PCDHGA5: variants seen among roughly 807,000 people sequenced by gnomAD.
The protein encoded by PCDHGA5 is protocadherin gamma subfamily A, 5.
Under a neutral mutation model 56.7 loss-of-function variants are expected in PCDHGA5, and 36 were observed. The observed-to-expected ratio is 0.64, with a 90% CI of 0.49 to 0.84. The LOEUF (loss-of-function observed/expected upper bound fraction) is 0.84. Among genes scored for constraint, PCDHGA5 ranks in the 40% least tolerant of loss-of-function variants. The pLI, the probability that PCDHGA5 is intolerant of heterozygous loss-of-function variation, is 0.00. For missense variants in PCDHGA5, 1,305 were observed against 1,201.5 expected, an observed-to-expected ratio of 1.09 and a Z score of -1.27; for synonymous variants, 563 against 520.2, an observed-to-expected ratio of 1.08 and a Z score of -1.12.
At position 141,512,430 on chromosome 5, in the gene PCDHGA5, CT is replaced by C. The variant is rs1357890225; in HGVS notation, c.*1258del. The C allele has an allele frequency of 1.3e-5, 2 of 152,824 alleles. No homozygotes were observed. Among genetic ancestry groups the C allele is most frequent in the Non-Finnish European group, 2.9e-5 (2 of 68,158 alleles). 9.5% of individuals were successfully genotyped at this position (152,824 alleles called of 1,614,324 possible). On this transcript the variant is annotated 3_prime_UTR_variant, in exon 4 of 4. Coordinates refer to ENST00000518069, the MANE Select transcript of PCDHGA5 (RefSeq NM_018918.3). ...CTTCTTCAACAGGGCCCCTGCCCTCCTGAAGCCTCAGTCCTTCACCTTGCCA... is the reference window on the plus strand; with the variant it reads ...CTTCTTCAACAGGGCCCCTGCCCTCCGAAGCCTCAGTCCTTCACCTTGCCA...
Position 141,364,645 on chromosome 5 carries a change from C to T in PCDHGA5, c.315C>T (p.Asn105=), listed in dbSNP as rs1036042236. ...CTCAGAGCCCACTGTGTGTGGTGAA[C>T]TTTAACATCTTGGTTGAGAACAAAA... is the stretch of plus-strand genomic sequence containing the variant. ...LCAQSPLCVV[N]FNILVENKMK... The change falls in exon 1 of 4, where the codon AAC becomes AAT. Residue 105 remains asparagine, a synonymous_variant. Transcript: ENST00000518069. The T allele has an allele frequency of 1.2e-6, 2 of 1,613,960 alleles. No homozygotes were observed. Among genetic ancestry groups the T allele is most frequent in the African/African-American group, 2.7e-5 (2 of 74,950 alleles).
At chr5:141,371,714 G>A (rs1286462285) in intron 1 of PCDHGA5, 1 of 1,613,920 alleles carries the variant, frequency 6.2e-7, no homozygotes, top group Non-Finnish European at 8.5e-7. Context: ...CCATCACTCT[G>A]CACATCCTTG....
intron 1 of PCDHGA5, chr5:141,372,020 C>T (rs534964155): frequency 1.2e-6 from 2 of 1,613,370 alleles, no homozygotes; most frequent in Admixed American, 1.7e-5. Context: ...CGCCTACGCT[C>T]AGCGCCAACG....
At chr5:141,410,319 C>A in intron 1 of PCDHGA5, 2 of 1,614,018 alleles carry the variant, frequency 1.2e-6, no homozygotes, top group Admixed American at 1.7e-5. Flanking sequence ...TTCCTCCTCG[C>A]CGTGATTCTG....
chr5:141,377,940 A>G (rs112263014), intron 1 of PCDHGA5: 1 of 152,188 alleles, frequency 6.6e-6, no homozygotes, highest in Non-Finnish European at 1.5e-5. Context: ...TGCTGCTTAT[A>G]GAGTGTGTAT....
At chr5:141,370,286 A>G in intron 1 of PCDHGA5, 1 of 968,422 alleles carries the variant, frequency 1.0e-6, no homozygotes, top group Admixed American at 2.9e-5. Context: ...CCATTAGAGA[A>G]CCCAAGCACA....
chr5:141,487,455 A>G lies in PCDHGA5; in HGVS notation c.2422-7352A>G, dbSNP rs751456631. 6.2e-7 allele frequency: 1 copy of G among 1,614,122 alleles called. No individual in the cohort carries two copies. The highest frequency in any genetic ancestry group is 8.5e-7 in the Non-Finnish European group (1 of 1,180,032). On this transcript the variant is annotated intron_variant, in intron 1 of 3. Coordinates refer to ENST00000518069, the MANE Select transcript of PCDHGA5 (RefSeq NM_018918.3). The surrounding 1 kb of genome is among the most constrained non-coding windows in gnomAD (Gnocchi z 5.0). ...CAGCTAGGGTCAGATGACCCTATCA[A>G]GTTTGTTGATGTGGGAGGCCACTCT...
At chr5:141,456,968 AAAAC>A (rs202005606) in intron 1 of PCDHGA5, among the ~76,000 whole-genome samples, 2,421 of 152,270 alleles carry the variant, frequency 0.016, 37 homozygotes, top group Non-Finnish European at 0.025. Context: ...ATCTCAAAAC[AAAAC>A]AAACAAACAA....
At chr5:141,458,359 A>C (rs2098943826) in intron 1 of PCDHGA5, among the ~76,000 whole-genome samples, 1 of 152,142 alleles carries the variant, frequency 6.6e-6, no homozygotes, top group Non-Finnish European at 1.5e-5. Context: ...AATAAGCAAG[A>C]AGGAAGGGAG....
At chr5:141,473,801 T>C (rs1593456345) in intron 1 of PCDHGA5, among the ~76,000 whole-genome samples, 1 of 152,226 alleles carries the variant, frequency 6.6e-6, no homozygotes, top group East Asian at 1.9e-4. Flanking sequence ...ATGATGCTAC[T>C]GAGGAGCAGC....
chr5:141,497,954 G>A (rs1203635313), intron 2 of PCDHGA5, among the ~76,000 whole-genome samples: 7 of 152,198 alleles, frequency 4.6e-5, no homozygotes, highest in Non-Finnish European at 1.5e-5. Context: ...CTTTCTGTTG[G>A]CCAGGCAGTG....
intron 1 of PCDHGA5, chr5:141,427,868 C>T (rs1311930991): frequency 4.5e-6 from 7 of 1,559,298 alleles, no homozygotes; most frequent in African/African-American, 2.7e-5. Context: ...CCTTCGAGCT[C>T]ACGATGCAGG....
chr5:141,370,462 C>T lies in PCDHGA5; in HGVS notation c.2421+3711C>T. 1.9e-6 allele frequency: 3 copies of T among 1,612,864 alleles called. No homozygotes were observed. In the South Asian group the frequency reaches 3.3e-5, roughly 18 times the overall value. Reference sequence around the variant, plus strand: ...CGAATGCTATTTCTCTTCCTGCTCTCTTTGTTAGACCAGGCTCTCTCCGAA... The same window carrying T: ...CGAATGCTATTTCTCTTCCTGCTCTTTTTGTTAGACCAGGCTCTCTCCGAA... On this transcript the variant is annotated intron_variant, in intron 1 of 3. Coordinates refer to ENST00000518069, the MANE Select transcript of PCDHGA5 (RefSeq NM_018918.3).
rs2154591356 is a variant in PCDHGA5, at chr5:141,493,972, C to G, written c.2422-835C>G. Among the ~76,000 whole-genome samples, 6 of 152,276 alleles carry G rather than the reference C, an allele frequency of 3.9e-5. No homozygotes were observed. In the Middle Eastern group the frequency reaches 0.014, roughly 345 times the overall value. On this transcript the variant is annotated intron_variant, in intron 1 of 3. Coordinates refer to ENST00000518069, the MANE Select transcript of PCDHGA5 (RefSeq NM_018918.3). This position sits in a 1 kb window ranked among gnomAD's most constrained non-coding sequence, Gnocchi z 4.3. ...CAGGAATGAAGTGGCTGGCCAGAGC[C>G]CCACACCTTCAGCTAGGTGGGAGAT...
At position 141,383,936 on chromosome 5, in the gene PCDHGA5, AAGTGACTATG is replaced by A. The variant is rs765282926; in HGVS notation, c.2421+17187_2421+17196del. On this transcript the variant is annotated intron_variant, in intron 1 of 3. Coordinates refer to ENST00000518069, the MANE Select transcript of PCDHGA5 (RefSeq NM_018918.3). ...TTAGATGTAAATGATAATGCTCCAG[AAGTGACTATG>A]ACGTCTTTAAGTAGCTCAATCCCTG... 5.0e-6 allele frequency: 8 copies of A among 1,613,818 alleles called. No homozygotes were observed. In the South Asian group the frequency reaches 8.8e-5, roughly 18 times the overall value.
intron 1 of PCDHGA5, chr5:141,426,320 G>A (rs2096927622): frequency 1.1e-5 from 2 of 175,034 alleles, no homozygotes; most frequent in South Asian, 1.3e-4. Context: ...AGCAGGACCC[G>A]GCAGTGGCAA....
chr5:141,390,851 G>T (rs2092239783), intron 1 of PCDHGA5: 1 of 157,664 alleles, frequency 6.3e-6, no homozygotes. Context: ...ATTATATGCA[G>T]TGTACGCTGT....
At chr5:141,496,617 A>G (rs2099769939) in intron 2 of PCDHGA5, among the ~76,000 whole-genome samples, 2 of 152,236 alleles carry the variant, frequency 1.3e-5, no homozygotes, top group Admixed American at 1.3e-4. Flanking sequence ...AAAAAGCAGC[A>G]GATCAAAAGG....
Position 141,489,897 on chromosome 5 carries a change from C to G in PCDHGA5, c.2422-4910C>G. ...TGCTTACTGCTGTGGATGGGGGGAC[C>G]CCAGCCCGCTCAGGGACCACCCTTA... is the stretch of plus-strand genomic sequence containing the variant. On this transcript the variant is annotated intron_variant, in intron 1 of 3. Transcript: ENST00000518069. This position sits in a 1 kb window ranked among gnomAD's most constrained non-coding sequence, Gnocchi z 4.5. 1 of 1,614,162 alleles carries G rather than the reference C, an allele frequency of 6.2e-7. No individual in the cohort carries two copies. Among genetic ancestry groups the G allele is most frequent in the Non-Finnish European group, 8.5e-7 (1 of 1,180,016 alleles).
Sources: allele counts gnomAD v4.1 joint callset (sites outside exome capture counted in the v4.1 genomes callset), GRCh38; gene constraint gnomAD v4.1.1; non-coding constraint Gnocchi (gnomAD v3.1); transcripts MANE v1.5; gene names NCBI Gene and HGNC (gene_info 2026-07-23, HGNC 2026-07-21).